Variants in THOC5 observed in about 807,000 individuals in gnomAD.
THOC5 encodes THO complex subunit 5, also known as Fms-interacting protein.
A neutral mutation model predicts 92.9 loss-of-function variants in THOC5; 43 were observed. The observed-to-expected ratio is 0.46, with a 90% CI of 0.36 to 0.60. The LOEUF (loss-of-function observed/expected upper bound fraction) is 0.60, where lower values mean the gene tolerates loss of function less well. THOC5 is among the 20% of genes least tolerant of loss of function. The pLI, the probability that THOC5 is intolerant of heterozygous loss-of-function variation, is 0.00. For synonymous variants in THOC5, 296 were observed against 320.1 expected (o/e 0.92, Z 0.80); for missense variants, 659 against 849.4 (o/e 0.78, Z 2.79).
rs550531255 is a variant in THOC5, at chr22:29,528,944, G to A, written c.925+218C>T. On this transcript the variant is annotated intron_variant, in intron 9 of 19. Transcript: ENST00000490103. ...CTCTGAAATATTAAATACCTTCCTC[G>A]GGGTCAGTCAGCTAGTGAGTGGCAG... 36 of 569,010 alleles carry A rather than the reference G, an allele frequency of 6.3e-5. No homozygotes were observed. The East Asian group carries it at 6.3e-4, about 10-fold the overall frequency. 35.2% of individuals were successfully genotyped at this position (569,010 alleles called of 1,614,324 possible).
intron 6 of THOC5, among the ~76,000 whole-genome samples, chr22:29,538,712 G>A (rs747642456): frequency 2.0e-5 from 3 of 146,532 alleles, no homozygotes; most frequent in East Asian, 4.1e-4. Context: ...CAGAAGGATC[G>A]CTTGAGCCCA....
At chr22:29,530,711 A>T (rs1021973313) in intron 8 of THOC5, among the ~76,000 whole-genome samples, 1 of 152,124 alleles carries the variant, frequency 6.6e-6, no homozygotes, top group Non-Finnish European at 1.5e-5. Flanking sequence ...AGCCTGTTGC[A>T]TACACCAGGT....
chr22:29,533,124 A>G (rs377338526), intron 7 of THOC5, among the ~76,000 whole-genome samples: 1 of 152,376 alleles, frequency 6.6e-6, no homozygotes, highest in East Asian at 1.9e-4. Context: ...AATTTATTCT[A>G]AAGTGGTCTG....
In THOC5 at chr22:29,529,146, C is replaced by G; in HGVS notation, c.925+16G>C. Reference sequence around the variant, plus strand: ...ACCTGGTGTCCCTGGGGGACGAATCCCAACCACCACATTACCTTGGGAGTC... The same window carrying G: ...ACCTGGTGTCCCTGGGGGACGAATCGCAACCACCACATTACCTTGGGAGTC... On this transcript the variant is annotated intron_variant, in intron 9 of 19. Coordinates refer to ENST00000490103, the MANE Select transcript of THOC5 (RefSeq NM_003678.5). The G allele has an allele frequency of 6.2e-7, 1 of 1,614,108 alleles. No individual in the cohort carries two copies. The highest frequency in any genetic ancestry group is 1.1e-5 in the South Asian group (1 of 91,076).
chr22:29,549,175 G>C lies in THOC5; in HGVS notation c.-11-17C>G, dbSNP rs1387696421. ...TTGTTCCTCCTGTTAAGAGGAGAAA[G>C]TTTTTGAGATTCTTCTGGAGTCATA... On this transcript the variant is annotated splice_polypyrimidine_tract_variant and intron_variant, in intron 1 of 19. Coordinates refer to ENST00000490103, the MANE Select transcript of THOC5 (RefSeq NM_003678.5). The C allele has an allele frequency of 1.1e-5, 17 of 1,609,888 alleles. No individual in the cohort carries two copies. Among genetic ancestry groups the C allele is most frequent in the Non-Finnish European group, 1.4e-5 (17 of 1,176,440 alleles).
At chr22:29,520,896 C>T (rs2063428265) in intron 13 of THOC5, 102 bp downstream of exon 13, 1 of 840,034 alleles carries the variant, frequency 1.2e-6, no homozygotes, top group East Asian at 2.4e-5. Flanking sequence ...CTTTCCTATC[C>T]TCTGGGTCAC....
chr22:29,508,411 G>C lies in THOC5; in HGVS notation c.*46C>G. ...GGCCAGAGCAGAAAGCAGAAGCCCAGTGCTCAGGGTGAGGCCTTGGGGGAA... is the reference window on the plus strand; with the variant it reads ...GGCCAGAGCAGAAAGCAGAAGCCCACTGCTCAGGGTGAGGCCTTGGGGGAA... On this transcript the variant is annotated 3_prime_UTR_variant, in exon 20 of 20. Coordinates refer to ENST00000490103, the MANE Select transcript of THOC5 (RefSeq NM_003678.5). 6.3e-7 allele frequency: 1 copy of C among 1,582,272 alleles called. No homozygotes were observed. The highest frequency in any genetic ancestry group is 8.7e-7 in the Non-Finnish European group (1 of 1,151,210).
At chr22:29,516,432 C>T (rs1484085647) in intron 17 of THOC5, among the ~76,000 whole-genome samples, 3 of 152,202 alleles carry the variant, frequency 2.0e-5, no homozygotes, top group African/African-American at 7.2e-5. Flanking sequence ...AGCTCAGCAC[C>T]AAGTCTTGAG....
chr22:29,533,195 A>C (rs1474232576), intron 7 of THOC5, among the ~76,000 whole-genome samples: 1 of 152,214 alleles, frequency 6.6e-6, no homozygotes, highest in African/African-American at 2.4e-5. Flanking sequence ...CTGATTCTGA[A>C]ACTTGTATGT....
rs746799310 is a variant in THOC5, at chr22:29,517,042, G to A, written c.1668C>T (p.Ile556=). ...CAGAGCAATTACCTGTGCCCCTTTC[G>A]ATGAGCGCCATGTAGTAGAGATTGG... ...GDTNLYYMAL[I]ERGTAKLQAA... is the part of the protein sequence containing the mutation. The change falls in exon 17 of 20, where the codon ATC becomes ATT. Residue 556 remains isoleucine (I), a synonymous_variant. Coordinates refer to ENST00000490103, the MANE Select transcript of THOC5 (RefSeq NM_003678.5). 1.6e-5 allele frequency: 26 copies of A among 1,614,106 alleles called. 1 individual carries two copies. The Admixed American group carries it at 2.2e-4, about 13-fold the overall frequency.
At chr22:29,511,374 G>A in intron 18 of THOC5, 78 bp from the exon 19 acceptor site, 3 of 1,509,748 alleles carry the variant, frequency 2.0e-6, no homozygotes, top group East Asian at 4.5e-5. Context: ...TTCCGTCCCT[G>A]GATGGGCCCG....
chr22:29,536,394 G>C (rs1157362624), intron 7 of THOC5: 1 of 492,480 alleles, frequency 2.0e-6, no homozygotes, highest in Non-Finnish European at 3.6e-6. Context: ...ACCCAGAGAA[G>C]GCCTCTGGAT....
At chr22:29,524,390 T>C (rs1453965331) in intron 12 of THOC5, among the ~76,000 whole-genome samples, 1 of 152,150 alleles carries the variant, frequency 6.6e-6, no homozygotes, top group Non-Finnish European at 1.5e-5. Context: ...TGGGAGGGGA[T>C]ATTACAATTA....
At chr22:29,531,334 A>C (rs1225721712) in intron 8 of THOC5, 1 of 985,310 alleles carries the variant, frequency 1.0e-6, no homozygotes, top group Non-Finnish European at 1.2e-6. Context: ...AATTTTCTCA[A>C]AACCCTAGCA....
intron 1 of THOC5, among the ~76,000 whole-genome samples, chr22:29,553,011 G>A (rs1200089574): frequency 6.6e-6 from 1 of 152,116 alleles, no homozygotes; most frequent in East Asian, 1.9e-4. Context: ...GGGGCAAGAT[G>A]TGCTTTGTTA....
chr22:29,528,157 C>G lies in THOC5; in HGVS notation c.987G>C (p.Leu329=). 6.2e-7 allele frequency: 1 copy of G among 1,614,158 alleles called. No homozygotes were observed. Among genetic ancestry groups the G allele is most frequent in the Non-Finnish European group, 8.5e-7 (1 of 1,180,016 alleles). The change falls in exon 11 of 20, where the codon CTG becomes CTC. Residue 329 remains leucine (L), a synonymous_variant. Transcript: ENST00000490103. ...EQTTKRRRPT[L]GVQLDDKRKE... is the part of the protein sequence containing the mutation. ...TGCGTTTGTCGTCCAACTGAACCCC[C>G]AGTGTGGGTCTCCGGCGCTTCTGGA...
Position 29,511,301 on chromosome 22 carries a change from G to A in THOC5, c.1798-5C>T. On this transcript the variant is annotated splice_polypyrimidine_tract_variant and splice_region_variant and intron_variant, in intron 18 of 19. Transcript: ENST00000490103. ...ATTGACTTCGCCCTCCATGGCCTGT[G>A]TGATAGGAAAGCCAGCATCTCAGCA... The A allele has an allele frequency of 1.2e-6, 2 of 1,607,868 alleles. No homozygotes were observed. The highest frequency in any genetic ancestry group is 1.7e-6 in the Non-Finnish European group (2 of 1,177,388).
At chr22:29,552,163 G>A (rs2064167142) in intron 1 of THOC5, among the ~76,000 whole-genome samples, 1 of 152,152 alleles carries the variant, frequency 6.6e-6, no homozygotes, top group Non-Finnish European at 1.5e-5. Context: ...CGCCTGCCTT[G>A]GCCTCCCAAA....
intron 8 of THOC5, chr22:29,531,118 T>C (rs767627105): frequency 9.1e-5 from 108 of 1,185,248 alleles, no homozygotes; most frequent in Non-Finnish European, 1.1e-4. Context: ...GAGCTGATGA[T>C]GGAAACAGGA....
Sources: gnomAD v4.1 joint callset for allele counts (sites outside exome capture counted in the v4.1 genomes callset) on GRCh38, gnomAD v4.1.1 for gene constraint, MANE v1.5 for transcripts, NCBI Gene and HGNC (gene_info 2026-07-23, HGNC 2026-07-21) for gene names.